The following RPTOR variants were observed in gnomAD, a reference collection of about 807,000 sequenced individuals.
RPTOR encodes regulatory-associated protein of mTOR.
In RPTOR, 21 loss-of-function variants were observed where a neutral mutation model predicts 169.9. That is an observed-to-expected ratio of 0.12 (90% CI 0.09 to 0.18). The LOEUF (loss-of-function observed/expected upper bound fraction) is 0.18, where lower values mean the gene tolerates loss of function less well. RPTOR is among the 10% of genes least tolerant of loss of function. RPTOR has a pLI of 1.00. For missense variants in RPTOR, 1,133 were observed against 1,855.9 expected, an observed-to-expected ratio of 0.61 and a Z score of 7.16; for synonymous variants, 732 against 753.2, an observed-to-expected ratio of 0.97 and a Z score of 0.46.
At chr17:80,922,185 C>T (rs1330221200) in intron 21 of RPTOR, among the ~76,000 whole-genome samples, 3 of 152,246 alleles carry the variant, frequency 2.0e-5, no homozygotes. Flanking sequence ...GGATGAAGCA[C>T]TCCCTGACCC....
intron 17 of RPTOR, among the ~76,000 whole-genome samples, chr17:80,888,220 TCCTCCCA>T (rs1334942231): frequency 6.6e-5 from 10 of 152,200 alleles, no homozygotes; most frequent in African/African-American, 2.4e-4. Context: ...GCTCAAGCGA[TCCTCCCA>T]CCTCAGCCTC....
chr17:80,829,351 G>T (rs2067478410), intron 9 of RPTOR, among the ~76,000 whole-genome samples: 1 of 152,230 alleles, frequency 6.6e-6, no homozygotes, highest in Non-Finnish European at 1.5e-5. Flanking sequence ...GCAGCGCCCG[G>T]GCTGTGCTCA....
chr17:80,826,679 G>C (rs760667831), intron 9 of RPTOR, among the ~76,000 whole-genome samples: 6 of 152,268 alleles, frequency 3.9e-5, no homozygotes, highest in Non-Finnish European at 8.8e-5. Context: ...GGTTGGGTTT[G>C]ACGGACATCA....
At chr17:80,837,338 C>CAGGGAGCAGCAGGGGGG (rs1365129575) in intron 9 of RPTOR, among the ~76,000 whole-genome samples, 2 of 152,108 alleles carry the variant, frequency 1.3e-5, no homozygotes, top group Non-Finnish European at 2.9e-5. Flanking sequence ...CTGTCCACAC[C>CAGGGAGCAGCAGGGGGG]AGGGAGCAGC....
At chr17:80,720,677 A>G (rs965533640) in intron 4 of RPTOR, among the ~76,000 whole-genome samples, 1 of 152,228 alleles carries the variant, frequency 6.6e-6, no homozygotes, top group African/African-American at 2.4e-5. Flanking sequence ...GGTGCCCTGC[A>G]TTTAAAACCA....
intron 1 of RPTOR, among the ~76,000 whole-genome samples, chr17:80,556,338 C>T (rs543545842): frequency 3.3e-5 from 5 of 152,190 alleles, no homozygotes; most frequent in Admixed American, 3.3e-4. Flanking sequence ...AAAGTGAGGC[C>T]CTGTCTCTAC....
rs2069272599 is a variant in RPTOR at position 80,957,793 on chromosome 17, C to T, written c.3477+63C>T. The T allele has an allele frequency of 5.5e-6, 8 of 1,455,780 alleles. No homozygotes were observed. The highest frequency in any genetic ancestry group is 3.5e-4 in the Middle Eastern group (2 of 5,756). The allele number at this position is 1,455,780 out of a possible 1,614,324, so 90.2% of individuals were successfully genotyped here. ...GGGCAGTGTGTGCAGGGCTGGTCCT[C>T]GTCACAGAACCCAGCAAAGTGTGCG... On this transcript the variant is annotated intron_variant, in intron 29 of 33. Coordinates refer to ENST00000306801, the MANE Select transcript of RPTOR (RefSeq NM_020761.3). The surrounding 1 kb of genome is among the most constrained non-coding windows in gnomAD (Gnocchi z 4.6).
At chr17:80,922,089 C>A (rs9908270) in intron 21 of RPTOR, among the ~76,000 whole-genome samples, 87,790 of 152,006 alleles carry the variant, frequency 0.58, 25,733 homozygotes, top group African/African-American at 0.67. Context: ...CCTCCTGAAG[C>A]ACACGGGGGT....
chr17:80,653,563 G>A (rs928415939), intron 3 of RPTOR, among the ~76,000 whole-genome samples: 2 of 152,184 alleles, frequency 1.3e-5, no homozygotes, highest in Admixed American at 1.3e-4. Flanking sequence ...GTGAGTGCAG[G>A]CAGAGTGGCC....
chr17:80,848,095 G>A (rs1382229517), intron 11 of RPTOR, among the ~76,000 whole-genome samples: 4 of 152,314 alleles, frequency 2.6e-5, no homozygotes, highest in East Asian at 1.9e-4. Context: ...GCACATGGAC[G>A]TGCTCAAGAC....
chr17:80,628,335 G>C (rs1257822787), intron 2 of RPTOR, among the ~76,000 whole-genome samples: 2 of 152,052 alleles, frequency 1.3e-5, no homozygotes, highest in African/African-American at 4.8e-5. Flanking sequence ...TTGCAGTGCT[G>C]GTCTGTAGGC....
At chr17:80,934,322 C>T (rs963234664) in intron 24 of RPTOR, among the ~76,000 whole-genome samples, 23 of 151,590 alleles carry the variant, frequency 1.5e-4, no homozygotes, top group Non-Finnish European at 1.5e-5. Flanking sequence ...AAAGAGATAA[C>T]CTGAATAGTT....
chr17:80,911,357 C>T (rs2068611072), intron 21 of RPTOR, among the ~76,000 whole-genome samples: 1 of 152,212 alleles, frequency 6.6e-6, no homozygotes, highest in Non-Finnish European at 1.5e-5. Flanking sequence ...GCCATCTCCT[C>T]AGGTTTCTTT....
chr17:80,591,888 G>A (rs1247471373), intron 1 of RPTOR, among the ~76,000 whole-genome samples: 1 of 152,180 alleles, frequency 6.6e-6, no homozygotes, highest in Non-Finnish European at 1.5e-5. Context: ...CTGCATGAGA[G>A]GCTGGTTCTT....
At chr17:80,614,494 T>C (rs1279173047) in intron 1 of RPTOR, among the ~76,000 whole-genome samples, 1 of 152,266 alleles carries the variant, frequency 6.6e-6, no homozygotes, top group Non-Finnish European at 1.5e-5. Context: ...TTTGCAGGCC[T>C]GTGTCTGTAG....
chr17:80,904,099 T>C (rs1461196909), intron 20 of RPTOR, among the ~76,000 whole-genome samples: 2 of 152,200 alleles, frequency 1.3e-5, no homozygotes, highest in Non-Finnish European at 2.9e-5. Flanking sequence ...GTGCTGCGTC[T>C]TCCCTGTGGG....
At chr17:80,556,863 G>A (rs2084415720) in intron 1 of RPTOR, among the ~76,000 whole-genome samples, 1 of 152,072 alleles carries the variant, frequency 6.6e-6, no homozygotes, top group African/African-American at 2.4e-5. Context: ...GGAGGTCGAG[G>A]CGGGTGGGTC....
chr17:80,964,687 G>GA lies in RPTOR; in HGVS notation c.*362dup. 3.1e-6 allele frequency: 1 copy of GA among 320,540 alleles called. No individual in the cohort carries two copies. The highest frequency in any genetic ancestry group is 5.6e-5 in the South Asian group (1 of 17,876). The allele number at this position is 320,540 out of a possible 1,614,324, so 19.9% of individuals were successfully genotyped here. A position where few individuals can be genotyped will look rare whatever the true frequency, so the allele number is the denominator to read the frequency against. On this transcript the variant is annotated 3_prime_UTR_variant, in exon 34 of 34. Coordinates refer to ENST00000306801, the MANE Select transcript of RPTOR (RefSeq NM_020761.3). Reference sequence around the variant, plus strand: ...CCATGTAATCAGAGCATTAGCTGCAGAAAAACCCCCCGACAGAGCCCTGGC... The same window carrying GA: ...CCATGTAATCAGAGCATTAGCTGCAGAAAAAACCCCCCGACAGAGCCCTGGC...
intron 11 of RPTOR, among the ~76,000 whole-genome samples, chr17:80,847,807 G>T (rs1204082882): frequency 1.3e-5 from 2 of 152,188 alleles, no homozygotes; most frequent in East Asian, 3.9e-4. Context: ...CAGAGCTCGT[G>T]CTTTCTGGTT....
Sources: allele counts gnomAD v4.1 joint callset (sites outside exome capture counted in the v4.1 genomes callset), GRCh38; gene constraint gnomAD v4.1.1; non-coding constraint Gnocchi (gnomAD v3.1); transcripts MANE v1.5; gene names NCBI Gene and HGNC (gene_info 2026-07-23, HGNC 2026-07-21).